Variants in ST14 observed in about 807,000 individuals in gnomAD.
ST14 encodes the protein ST14 transmembrane serine protease matriptase.
Under a neutral mutation model 96.5 loss-of-function variants are expected in ST14, and 40 were observed. The observed-to-expected ratio is 0.41, with a 90% confidence interval of 0.32 to 0.54. The LOEUF (loss-of-function observed/expected upper bound fraction) is 0.54. ST14 is among the 20% of genes least tolerant of loss of function. ST14 has a pLI of 0.17. For synonymous variants in ST14, 506 were observed against 492.1 expected (o/e 1.03, Z -0.37); for missense variants, 1,066 against 1,188.9 (o/e 0.90, Z 1.52).
intron 5 of ST14, 103 bp from the exon 6 acceptor site, chr11:130,190,010 A>G: frequency 6.2e-7 from 1 of 1,610,656 alleles, no homozygotes; most frequent in East Asian, 2.2e-5. Flanking sequence ...CCCCAGAGAG[A>G]AGACTACGTG....
rs1450730674 is a variant in ST14, at chr11:130,160,033, G to A, written c.54G>A (p.Ala18=). Residue 18 remains alanine, a synonymous_variant, in exon 1 of 19, where the codon GCG becomes GCA. Coordinates refer to ENST00000278742, the MANE Select transcript of ST14 (RefSeq NM_021978.4). ...GAGGGGGCCCGAAGGACTTCGGCGC[G>A]GGACTCAAGTACAACTCCCGGCACG... The part of the protein sequence containing the change: ...KGGGGPKDFG[A]GLKYNSRHEK... 2.8e-6 allele frequency: 4 copies of A among 1,435,794 alleles called. No individual in the cohort carries two copies. Among genetic ancestry groups the A allele is most frequent in the Admixed American group, 2.6e-5 (1 of 38,148 alleles). The allele number at this position is 1,435,794 out of a possible 1,614,324, so 88.9% of individuals were successfully genotyped here. A position where few individuals can be genotyped will look rare whatever the true frequency, so the allele number is the denominator to read the frequency against.
At chr11:130,206,716 G>A (rs561721149) in intron 16 of ST14, among the ~76,000 whole-genome samples, 14 of 151,490 alleles carry the variant, frequency 9.2e-5, no homozygotes, top group Non-Finnish European at 1.6e-4. Flanking sequence ...TACAGGCACC[G>A]GCCACCACAC....
rs1196939285 is a variant in ST14, at chr11:130,181,972, GAGTCAATGCCCTC to G, written c.82-6139_82-6127del. Among the ~76,000 whole-genome samples, 1 of 152,208 alleles carries G rather than the reference GAGTCAATGCCCTC, an allele frequency of 6.6e-6. No homozygotes were observed. ...CGTGGCAGAGTCTGGGGTGACCCCT[GAGTCAATGCCCTC>G]AGCCACCTTACCCCTTCTCATGGGA... On this transcript the variant is annotated intron_variant, in intron 1 of 18. Coordinates refer to ENST00000278742, the MANE Select transcript of ST14 (RefSeq NM_021978.4). This position sits in a 1 kb window ranked among gnomAD's most constrained non-coding sequence, Gnocchi z 4.1.
intron 1 of ST14, among the ~76,000 whole-genome samples, chr11:130,185,915 C>G (rs1180877299): frequency 6.6e-6 from 1 of 152,116 alleles, no homozygotes; most frequent in Non-Finnish European, 1.5e-5. Context: ...TCAAGCGATT[C>G]TCCTGCCTCG....
rs1439898877 is a variant in ST14, at chr11:130,169,887, G to A, written c.81+9827G>A. Among the ~76,000 whole-genome samples the A allele has an allele frequency of 2.0e-5, 3 of 152,186 alleles. No homozygotes were observed. In the East Asian group the frequency reaches 5.8e-4, roughly 29 times the overall value. On this transcript the variant is annotated intron_variant, in intron 1 of 18. Coordinates refer to ENST00000278742, the MANE Select transcript of ST14 (RefSeq NM_021978.4). ...GGCTGCACCTCTTGTTTCTCTTGTC[G>A]GGTTTTGGGGGATCTGCCTGTTTGT...
chr11:130,169,104 T>TG (rs1232111517), intron 1 of ST14, among the ~76,000 whole-genome samples: 1 of 144,010 alleles, frequency 6.9e-6, no homozygotes, highest in East Asian at 2.0e-4. Flanking sequence ...TTTTTTTTTT[T>TG]TTTTTTTTTT....
rs765241610 is a variant in ST14 at position 130,190,527 on chromosome 11, C to T, written c.708C>T (p.Ser236=). 2.7e-5 allele frequency: 44 copies of T among 1,610,742 alleles called. No individual in the cohort carries two copies. In the East Asian group the frequency reaches 9.8e-4, roughly 36 times the overall value. The change falls in exon 7 of 19, where the codon AGC becomes AGT. Residue 236 remains serine (S), a synonymous_variant. Coordinates refer to ENST00000278742, the MANE Select transcript of ST14 (RefSeq NM_021978.4). ...MRFTTPGFPD[S]PYPAHARCQW... is the part of the protein sequence containing the mutation. ...TCACCACGCCCGGCTTCCCTGACAG[C>T]CCCTACCCCGCTCATGCCCGCTGCC...
intron 1 of ST14, among the ~76,000 whole-genome samples, chr11:130,186,730 G>A (rs183578741): frequency 2.9e-3 from 443 of 152,260 alleles, no homozygotes; most frequent in African/African-American, 0.01. Flanking sequence ...TTGGGAGGAT[G>A]GGGAGAGAAA....
Position 130,197,699 on chromosome 11 carries a change from TG to T in ST14, c.1355-139del. 10 of 673,696 alleles carry T rather than the reference TG, an allele frequency of 1.5e-5. No homozygotes were observed. In the South Asian group the frequency reaches 1.7e-4, roughly 12 times the overall value. The allele number at this position is 673,696 out of a possible 1,614,324, so 41.7% of individuals were successfully genotyped here. A position where few individuals can be genotyped will look rare whatever the true frequency, so the allele number is the denominator to read the frequency against. ...CCCCTTTGTCACAGCTTGGTGGGCC[TG>T]GGTAACCCCTGCCCTGGGCCACAGC... is the stretch of plus-strand genomic sequence containing the variant. On this transcript the variant is annotated intron_variant, in intron 11 of 18. Coordinates refer to ENST00000278742, the MANE Select transcript of ST14 (RefSeq NM_021978.4).
At chr11:130,190,313 C>T in intron 6 of ST14, 141 bp from the exon 7 acceptor site, 4 of 1,498,236 alleles carry the variant, frequency 2.7e-6, no homozygotes, top group Non-Finnish European at 3.6e-6. Context: ...AGCCCCCTTC[C>T]TGATTTCCCG....
At position 130,188,723 on chromosome 11, in the gene ST14, G is replaced by A; in HGVS notation, c.369+66G>A. On this transcript the variant is annotated intron_variant, in intron 3 of 18. Coordinates refer to ENST00000278742, the MANE Select transcript of ST14 (RefSeq NM_021978.4). The surrounding 1 kb of genome is among the most constrained non-coding windows in gnomAD (Gnocchi z 5.4). Reference sequence around the variant, plus strand: ...CTGGTGTCCCACCTGCTGGGCAGGAGGGACATGCCTCGCCTGTGCTCCCAG... The same window carrying A: ...CTGGTGTCCCACCTGCTGGGCAGGAAGGACATGCCTCGCCTGTGCTCCCAG... 1 of 1,613,198 alleles carries A rather than the reference G, an allele frequency of 6.2e-7. No individual in the cohort carries two copies. Among genetic ancestry groups the A allele is most frequent in the South Asian group, 1.1e-5 (1 of 91,004 alleles).
Position 130,200,156 on chromosome 11 carries a change from A to G in ST14, c.1994+19A>G. 6.2e-7 allele frequency: 1 copy of G among 1,613,670 alleles called. No individual in the cohort carries two copies. Among genetic ancestry groups the G allele is most frequent in the South Asian group, 1.1e-5 (1 of 91,016 alleles). On this transcript the variant is annotated intron_variant, in intron 16 of 18. Transcript: ENST00000278742. The stretch of plus-strand genomic sequence containing the variant: ...GATTCAGGTGGGTCTCTGGGTGGGC[A>G]GCAGGGAGCCTCCTTGCTGGCCCTT...
Position 130,210,141 on chromosome 11 carries a change from T to C in ST14, c.*318T>C. On this transcript the variant is annotated 3_prime_UTR_variant, in exon 19 of 19. Transcript: ENST00000278742. ...TTTGTGCATATCTGCCTCCCCTGTC[T>C]CTAAGGAGCAGCGGGAACGGAGCTT... 1 of 331,462 alleles carries C rather than the reference T, an allele frequency of 3.0e-6. No homozygotes were observed. Among genetic ancestry groups the C allele is most frequent in the Non-Finnish European group, 5.6e-6 (1 of 177,134 alleles). The allele number at this position is 331,462 out of a possible 1,614,324, so 20.5% of individuals were successfully genotyped here.
At chr11:130,182,652 C>CTT (rs766643910) in intron 1 of ST14, among the ~76,000 whole-genome samples, 40 of 137,412 alleles carry the variant, frequency 2.9e-4, no homozygotes, top group African/African-American at 7.5e-4. Flanking sequence ...TGTTAAATAT[C>CTT]TTTTTTTTTT....
chr11:130,189,624 G>A (rs780580435), intron 4 of ST14, 115 bp from the exon 5 acceptor site: 2 of 1,379,516 alleles, frequency 1.4e-6, no homozygotes, highest in Non-Finnish European at 1.0e-6. Context: ...AAGGGCCTCT[G>A]CAGATGGCAG....
chr11:130,196,891 A>T, intron 11 of ST14, 191 bp downstream of exon 11: 1 of 796,984 alleles, frequency 1.3e-6, no homozygotes, highest in Middle Eastern at 3.6e-4. Flanking sequence ...GCTGGCTGTG[A>T]GCGCTGGCAC....
intron 1 of ST14, among the ~76,000 whole-genome samples, chr11:130,176,610 G>A (rs1220487250): frequency 2.0e-5 from 3 of 151,702 alleles, no homozygotes; most frequent in Admixed American, 6.6e-5. Flanking sequence ...GGATAGTCTC[G>A]ATCTCCTGAC....
At chr11:130,160,231 G>C (rs1047083602) in intron 1 of ST14, among the ~76,000 whole-genome samples, 171 bp downstream of exon 1, 1 of 151,888 alleles carries the variant, frequency 6.6e-6, no homozygotes, top group Non-Finnish European at 1.5e-5. Context: ...GGCGGGGCTG[G>C]CCGGACCTTT....
Position 130,190,795 on chromosome 11 carries a change from C to T in ST14, c.875+101C>T, listed in dbSNP as rs563944334. 225 of 1,399,818 alleles carry T rather than the reference C, an allele frequency of 1.6e-4. 1 individual carries two copies. Among genetic ancestry groups the T allele is most frequent in the Middle Eastern group, 5.1e-4 (2 of 3,912 alleles). The allele number at this position is 1,399,818 out of a possible 1,614,324, so 86.7% of individuals were successfully genotyped here. On this transcript the variant is annotated intron_variant, in intron 7 of 18. Transcript: ENST00000278742. ...TGGGATACAGTTTATGACTCTTGGC[C>T]GCAGGCCACTGCTAAACATCCAGGC...
Sources: gnomAD v4.1 joint callset for allele counts (sites outside exome capture counted in the v4.1 genomes callset) on GRCh38, gnomAD v4.1.1 for gene constraint, Gnocchi (gnomAD v3.1) non-coding constraint, MANE v1.5 for transcripts, NCBI Gene and HGNC (gene_info 2026-07-23, HGNC 2026-07-21) for gene names.